The following PFKFB3 variants were observed in gnomAD, a reference collection of about 807,000 sequenced individuals.
PFKFB3 encodes 6-phosphofructo-2-kinase/fructose-2,6-biphosphatase 3.
A neutral mutation model predicts 68.0 loss-of-function variants in PFKFB3; 33 were observed. The ratio of observed to expected loss-of-function variants is 0.49; its 90% CI spans 0.37 to 0.65. The LOEUF is 0.65. PFKFB3 is among the 30% of genes least tolerant of loss of function. The probability of loss-of-function intolerance (pLI) is 0.00; values close to 1 mark genes in which losing one functional copy is unlikely to be tolerated. For synonymous variants in PFKFB3, 315 were observed against 288.2 expected (o/e 1.09, Z -0.94); for missense variants, 586 against 712.2 (o/e 0.82, Z 2.02).
intron 14 of PFKFB3, among the ~76,000 whole-genome samples, chr10:6,241,651 G>C (rs1414086771): frequency 6.6e-6 from 1 of 152,146 alleles, no homozygotes; most frequent in African/African-American, 2.4e-5. Context: ...GAGCAACATA[G>C]TGAGACCCCA....
chr10:6,216,799 G>T lies in PFKFB3; in HGVS notation c.441+19G>T. ...CTTTAAGGTGAGCTGAGCGTCTTGT[G>T]TTGTGCTAGAGGGCTCGGGAGAGAG... On this transcript the variant is annotated intron_variant, in intron 5 of 14. Transcript: ENST00000379775. 1 of 1,594,894 alleles carries T rather than the reference G, an allele frequency of 6.3e-7. No homozygotes were observed. The highest frequency in any genetic ancestry group is 8.6e-7 in the Non-Finnish European group (1 of 1,162,456).
At chr10:6,219,351 C>T (rs538745789) in intron 6 of PFKFB3, among the ~76,000 whole-genome samples, 15 of 152,288 alleles carry the variant, frequency 9.8e-5, no homozygotes, top group South Asian at 2.1e-4. Context: ...TCTGTCCTTC[C>T]GGCTTCAGTT....
intron 1 of PFKFB3, among the ~76,000 whole-genome samples, chr10:6,176,625 A>G (rs1842482834): frequency 6.6e-6 from 1 of 152,092 alleles, no homozygotes; most frequent in African/African-American, 2.4e-5. Context: ...GGCTCAAGCA[A>G]TCCTCCTGCC....
chr10:6,300,386 G>A, the PFKFB3 span, among the ~76,000 whole-genome samples: 1 of 152,150 alleles, frequency 6.6e-6, no homozygotes, highest in Non-Finnish European at 1.5e-5. Context: ...TTATTGAATA[G>A]GAATAGGTAG....
chr10:6,183,614 A>AAAAAATAT (rs1242752213), intron 1 of PFKFB3, among the ~76,000 whole-genome samples: 12 of 93,942 alleles, frequency 1.3e-4, no homozygotes, highest in African/African-American at 4.1e-4. Context: ...AAAAAAAAAA[A>AAAAAATAT]ATATATATAT....
At chr10:6,165,676 G>T (rs1041435769) in intron 1 of PFKFB3, among the ~76,000 whole-genome samples, 3 of 152,132 alleles carry the variant, frequency 2.0e-5, no homozygotes, top group African/African-American at 4.8e-5. Flanking sequence ...GCCTTTTCTC[G>T]ATGCGTCTAT....
At chr10:6,259,915 T>G in the PFKFB3 span, among the ~76,000 whole-genome samples, 1 of 152,228 alleles carries the variant, frequency 6.6e-6, no homozygotes, top group Non-Finnish European at 1.5e-5. Flanking sequence ...GAGTGCTGGC[T>G]GAATGGCAGG....
the PFKFB3 span, among the ~76,000 whole-genome samples, chr10:6,322,742 C>G: frequency 5.0e-4 from 76 of 152,330 alleles, 1 homozygote; most frequent in East Asian, 5.0e-3. Context: ...CTTCTCACAG[C>G]AGAAATTTCT....
At chr10:6,171,754 A>G (rs1212635318) in intron 1 of PFKFB3, among the ~76,000 whole-genome samples, 2 of 152,258 alleles carry the variant, frequency 1.3e-5, no homozygotes, top group Non-Finnish European at 2.9e-5. Context: ...GCAATAGCAC[A>G]TGTATATTAG....
the PFKFB3 span, among the ~76,000 whole-genome samples, chr10:6,289,346 T>A: frequency 1.3e-5 from 2 of 151,970 alleles, no homozygotes; most frequent in East Asian, 3.9e-4. Flanking sequence ...AGGTCTAACA[T>A]TTAAGTCTTT....
At position 6,222,165 on chromosome 10, in the gene PFKFB3, C is replaced by T. The variant is rs573950096; in HGVS notation, c.1083+420C>T. Among the ~76,000 whole-genome samples the T allele has an allele frequency of 1.4e-4, 22 of 152,206 alleles. No individual in the cohort carries two copies. In the East Asian group the frequency reaches 4.1e-3, roughly 28 times the overall value. On this transcript the variant is annotated intron_variant, in intron 10 of 14. Coordinates refer to ENST00000379775, the MANE Select transcript of PFKFB3 (RefSeq NM_004566.4). ...CTGGGCCTGGTGTGTCCTCCCTGCC[C>T]GTGCCCTGCTGAGCAGTGTCGTGCC...
At position 6,232,924 on chromosome 10, in the gene PFKFB3, C is replaced by G; in HGVS notation, c.1545C>G (p.Asp515Glu). 6.2e-7 allele frequency: 1 copy of G among 1,613,280 alleles called. No homozygotes were observed. The highest frequency in any genetic ancestry group is 1.1e-5 in the South Asian group (1 of 91,062). Residue 515 changes from aspartate to glutamate, a missense_variant, in exon 15 of 15, where the codon GAC (aspartate) becomes GAG (glutamate). Coordinates refer to ENST00000379775, the MANE Select transcript of PFKFB3 (RefSeq NM_004566.4). The part of the protein sequence containing the change: ...QNMKGSRSSA[D>E]SSRKH ...TGAAAGGCTCCCGGAGCAGCGCTGA[C>G]TCCTCCAGGAAACACTGAGGCAGAC...
At chr10:6,192,348 G>GT (rs963233255) in intron 1 of PFKFB3, among the ~76,000 whole-genome samples, 18 of 134,878 alleles carry the variant, frequency 1.3e-4, no homozygotes, top group Admixed American at 2.3e-4. Flanking sequence ...AAACCTGCCC[G>GT]TTTTTTTTTT....
the PFKFB3 span, among the ~76,000 whole-genome samples, chr10:6,302,892 G>A: frequency 2.0e-5 from 3 of 152,056 alleles, no homozygotes; most frequent in Non-Finnish European, 4.4e-5. Flanking sequence ...CTGTCAGACT[G>A]TTGGAAGGCA....
chr10:6,311,488 T>TC, the PFKFB3 span, among the ~76,000 whole-genome samples: 9 of 141,698 alleles, frequency 6.4e-5, no homozygotes, highest in Non-Finnish European at 1.1e-4. Flanking sequence ...GCCCAGTGGC[T>TC]CTCTGGGCCC....
intron 14 of PFKFB3, among the ~76,000 whole-genome samples, chr10:6,232,292 G>A (rs1433528356): frequency 6.6e-6 from 1 of 152,038 alleles, no homozygotes; most frequent in East Asian, 1.9e-4. Flanking sequence ...AGTGCCTTAG[G>A]GGTGGAACTC....
In PFKFB3 at chr10:6,203,163, C is replaced by A. The variant is rs900215041; in HGVS notation, c.-98C>A. On this transcript the variant is annotated 5_prime_UTR_variant, in exon 1 of 15. Transcript: ENST00000379775. ...ACGCCCGGCCGCGCGCCGGCGCACG[C>A]CCCCCTCTCCTCCTTTGTTCCGGGG... 2.4e-4 allele frequency: 371 copies of A among 1,521,782 alleles called. 3 individuals are homozygous for A. The South Asian group carries it at 3.0e-3, about 12-fold the overall frequency. 94.3% of individuals were successfully genotyped at this position (1,521,782 alleles called of 1,614,324 possible). A position where few individuals can be genotyped will look rare whatever the true frequency, so the allele number is the denominator to read the frequency against.
At chr10:6,246,503 C>G (rs910178826) in intron 14 of PFKFB3, among the ~76,000 whole-genome samples, 4 of 151,572 alleles carry the variant, frequency 2.6e-5, no homozygotes, top group Non-Finnish European at 4.4e-5. Flanking sequence ...CCACGCCTGG[C>G]TAATTTTTAA....
chr10:6,231,889 C>T (rs1214611402), intron 14 of PFKFB3, among the ~76,000 whole-genome samples: 1 of 151,852 alleles, frequency 6.6e-6, no homozygotes, highest in Non-Finnish European at 1.5e-5. Context: ...TCTCGGCGGG[C>T]ACCCATCACC....
Sources: gnomAD v4.1 joint callset for allele counts (sites outside exome capture counted in the v4.1 genomes callset) on GRCh38, gnomAD v4.1.1 for gene constraint, MANE v1.5 for transcripts, NCBI Gene and HGNC (gene_info 2026-07-23, HGNC 2026-07-21) for gene names.